The following CACNB1 variants were observed in gnomAD, a reference collection of about 807,000 sequenced individuals.
CACNB1 encodes the protein voltage-dependent L-type calcium channel subunit beta-1.
CACNB1 carries 29 observed loss-of-function variants against 71.6 expected under a neutral mutation model. The observed-to-expected ratio is 0.40, with a 90% CI of 0.30 to 0.55. The LOEUF (loss-of-function observed/expected upper bound fraction) is 0.55. Among genes scored for constraint, CACNB1 ranks in the 20% least tolerant of loss-of-function variants. The pLI is 0.38. For synonymous variants in CACNB1, 300 were observed against 319.6 expected (o/e 0.94, Z 0.65); for missense variants, 623 against 801.8 (o/e 0.78, Z 2.69).
intron 11 of CACNB1, chr17:39,178,295 G>T: frequency 2.2e-6 from 1 of 446,088 alleles, no homozygotes; most frequent in Non-Finnish European, 4.0e-6. Context: ...TGTTATGCCA[G>T]CCTTCCTTAG....
At chr17:39,193,706 C>T (rs1024536967) in intron 2 of CACNB1, 3 of 231,754 alleles carry the variant, frequency 1.3e-5, no homozygotes, top group African/African-American at 7.2e-5. Flanking sequence ...GTCTGACTCC[C>T]TGGGTTGGCA....
intron 8 of CACNB1, 117 bp from the exon 9 acceptor site, chr17:39,184,500 T>G: frequency 1.5e-6 from 1 of 689,164 alleles, no homozygotes; most frequent in Non-Finnish European, 2.6e-6. Context: ...GGACAGGCCT[T>G]TACGGCGGGC....
chr17:39,177,055 C>G, intron 13 of CACNB1: 2 of 1,306,568 alleles, frequency 1.5e-6, no homozygotes, highest in Non-Finnish European at 2.0e-6. Context: ...CAGCGGGCAG[C>G]AGATGCGCTC....
Position 39,175,248 on chromosome 17 carries a change from A to G in CACNB1, c.1742T>C (p.Leu581Ser). 2 of 1,613,966 alleles carry G rather than the reference A, an allele frequency of 1.2e-6. No homozygotes were observed. The highest frequency in any genetic ancestry group is 1.7e-6 in the Non-Finnish European group (2 of 1,179,960). The change falls in exon 14 of 14, where the codon TTG becomes TCG. Residue 581 changes from leucine (L) to serine (S), a missense_variant. Leu to Ser is a moderately radical substitution (Grantham distance 145, BLOSUM62 -2). Coordinates refer to ENST00000394303, the MANE Select transcript of CACNB1 (RefSeq NM_000723.5). The surrounding 1 kb of genome is among the most constrained non-coding windows in gnomAD (Gnocchi z 4.7). ...RYCAEGGGPV[L>S]GRNKNELEGW... is the part of the protein sequence containing the mutation. ...CTCCAGCTCATTCTTGTTGCGCCCC[A>G]AAACTGGACCCCCACCCTCAGCGCA... is the stretch of plus-strand genomic sequence containing the variant.
At position 39,175,642 on chromosome 17, in the gene CACNB1, A is replaced by C; in HGVS notation, c.1348T>G (p.Ser450Ala). 1 of 1,567,940 alleles carries C rather than the reference A, an allele frequency of 6.4e-7. No homozygotes were observed. Among genetic ancestry groups the C allele is most frequent in the African/African-American group, 1.4e-5 (1 of 74,052 alleles). ...VSNLQGPYLA[S>A]GDQPLERATG... is the part of the protein sequence containing the mutation. ...GCCCGTTCCAGTGGCTGGTCCCCGG[A>C]AGCAAGGTAGGGTCCCTGGTTAGCA... Residue 450 changes from serine (S) to alanine (A), a missense_variant, in exon 14 of 14, where the codon TCC becomes GCC. By Grantham distance (99) the Ser-to-Ala change is moderately conservative. Transcript: ENST00000394303. This position sits in a 1 kb window ranked among gnomAD's most constrained non-coding sequence, Gnocchi z 4.7.
In CACNB1 at chr17:39,175,087, G is replaced by C. The variant is rs751615045; in HGVS notation, c.*106C>G. 1.1e-4 allele frequency: 103 copies of C among 925,318 alleles called. No individual in the cohort carries two copies. Among genetic ancestry groups the C allele is most frequent in the Non-Finnish European group, 1.7e-4 (99 of 599,950 alleles). 57.3% of individuals were successfully genotyped at this position (925,318 alleles called of 1,614,324 possible). On this transcript the variant is annotated 3_prime_UTR_variant, in exon 14 of 14. Coordinates refer to ENST00000394303, the MANE Select transcript of CACNB1 (RefSeq NM_000723.5). The surrounding 1 kb of genome is among the most constrained non-coding windows in gnomAD (Gnocchi z 4.7). Reference sequence around the variant, plus strand: ...CTTTGAGCAAAGGCATCTGAAAGGAGGGAGACAGCGCCCCCTGGAGGCGAA... The same window carrying C: ...CTTTGAGCAAAGGCATCTGAAAGGACGGAGACAGCGCCCCCTGGAGGCGAA...
chr17:39,190,154 G>A (rs2144158806), intron 3 of CACNB1, among the ~76,000 whole-genome samples: 1 of 151,830 alleles, frequency 6.6e-6, no homozygotes, highest in African/African-American at 2.4e-5. Context: ...GGGCACAGTG[G>A]CCCATGCCTG....
rs2045941744 is a variant in CACNB1 at position 39,186,419 on chromosome 17, AAGG to A, written c.628+74_628+76del. The A allele has an allele frequency of 1.9e-6, 2 of 1,052,812 alleles. No individual in the cohort carries two copies. Among genetic ancestry groups the A allele is most frequent in the East Asian group, 2.5e-5 (1 of 39,934 alleles). 65.2% of individuals were successfully genotyped at this position (1,052,812 alleles called of 1,614,324 possible). Reference sequence around the variant, plus strand: ...ATTGGGGTGTTTCCTACTGCAGGGAAAGGAGGATTCAGGGAGTGGGGAGACCAC... The same window carrying A: ...ATTGGGGTGTTTCCTACTGCAGGGAAAGGATTCAGGGAGTGGGGAGACCAC... On this transcript the variant is annotated intron_variant, in intron 6 of 13. Coordinates refer to ENST00000394303, the MANE Select transcript of CACNB1 (RefSeq NM_000723.5). The surrounding 1 kb of genome is among the most constrained non-coding windows in gnomAD (Gnocchi z 4.1).
intron 11 of CACNB1, among the ~76,000 whole-genome samples, chr17:39,180,276 AC>A: frequency 6.6e-6 from 1 of 151,380 alleles, no homozygotes; most frequent in Non-Finnish European, 1.5e-5. Flanking sequence ...AAAAAAAAAA[AC>A]CAAATATGGA....
chr17:39,188,875 C>G (rs1422214444), intron 3 of CACNB1, among the ~76,000 whole-genome samples: 1 of 151,894 alleles, frequency 6.6e-6, no homozygotes, highest in Non-Finnish European at 1.5e-5. Context: ...GAAACTCTGT[C>G]TCTACTAAAA....
chr17:39,188,572 A>C (rs374469838), intron 3 of CACNB1, among the ~76,000 whole-genome samples: 16,390 of 147,860 alleles, frequency 0.11, 889 homozygotes, highest in South Asian at 0.13. Flanking sequence ...AGACTCCGTC[A>C]AAAAAAAAAA....
At chr17:39,185,874 C>T in intron 6 of CACNB1, 6 of 1,492,394 alleles carry the variant, frequency 4.0e-6, no homozygotes, top group Non-Finnish European at 5.5e-6. Flanking sequence ...CATCTGAATC[C>T]ATTACAGCCC....
Position 39,184,299 on chromosome 17 carries a change from G to C in CACNB1, c.788+26C>G, listed in dbSNP as rs765061590. 25 of 1,492,824 alleles carry C rather than the reference G, an allele frequency of 1.7e-5. No homozygotes were observed. In the East Asian group the frequency reaches 5.9e-4, roughly 35 times the overall value. 92.5% of individuals were successfully genotyped at this position (1,492,824 alleles called of 1,614,324 possible). A position where few individuals can be genotyped will look rare whatever the true frequency, so the allele number is the denominator to read the frequency against. On this transcript the variant is annotated intron_variant, in intron 9 of 13. Transcript: ENST00000394303. Reference sequence around the variant, plus strand: ...CCAGCAGCAGAGAGCAACGGCAGGTGCGAGGAGCAGCTCCCAGGATCTTAC... The same window carrying C: ...CCAGCAGCAGAGAGCAACGGCAGGTCCGAGGAGCAGCTCCCAGGATCTTAC...
Position 39,186,067 on chromosome 17 carries a change from G to A in CACNB1, c.628+429C>T, listed in dbSNP as rs760816451. 10 of 1,613,924 alleles carry A rather than the reference G, an allele frequency of 6.2e-6. No homozygotes were observed. In the South Asian group the frequency reaches 6.6e-5, roughly 11 times the overall value. On this transcript the variant is annotated intron_variant, in intron 6 of 13. Coordinates refer to ENST00000394303, the MANE Select transcript of CACNB1 (RefSeq NM_000723.5). This position sits in a 1 kb window ranked among gnomAD's most constrained non-coding sequence, Gnocchi z 4.1. ...CAGCCTCTTCCTCCTCTAACTCTAGGGGGTCTAGTTCAAAGGCTAAGTTAG... is the reference window on the plus strand; with the variant it reads ...CAGCCTCTTCCTCCTCTAACTCTAGAGGGTCTAGTTCAAAGGCTAAGTTAG...
chr17:39,195,197 G>GC (rs1323768863), intron 1 of CACNB1: 1 of 447,968 alleles, frequency 2.2e-6, no homozygotes, highest in Non-Finnish European at 4.0e-6. Flanking sequence ...GTGCAAGAGA[G>GC]CCCCAGAAGA....
rs117992170 is a variant in CACNB1 at position 39,174,587 on chromosome 17, A to G, written c.*606T>C. On this transcript the variant is annotated 3_prime_UTR_variant, in exon 14 of 14. Coordinates refer to ENST00000394303, the MANE Select transcript of CACNB1 (RefSeq NM_000723.5). ...GGACGTTGCCATGGCCACGGAGGGT[A>G]GAGGGTGCTGTATGCCTGCCAGCTT... is the stretch of plus-strand genomic sequence containing the variant. The G allele has an allele frequency of 2.7e-3, 413 of 152,716 alleles. 6 individuals carry two copies. In the East Asian group the frequency reaches 0.066, roughly 24 times the overall value. The allele number at this position is 152,716 out of a possible 1,614,324, so 9.5% of individuals were successfully genotyped here.
chr17:39,181,659 A>G (rs1447370986), intron 11 of CACNB1, among the ~76,000 whole-genome samples: 4 of 151,926 alleles, frequency 2.6e-5, no homozygotes, highest in Admixed American at 1.3e-4. Context: ...GGTCCTTTCA[A>G]CTCCCCTCAG....
intron 4 of CACNB1, chr17:39,187,153 A>T: frequency 1.6e-6 from 1 of 607,150 alleles, no homozygotes; most frequent in Non-Finnish European, 2.9e-6. Flanking sequence ...CCACCGGCCC[A>T]ATGCAATTCT....
intron 3 of CACNB1, 85 bp from the exon 4 acceptor site, chr17:39,187,686 TTGGA>T (rs1284960684): frequency 6.9e-7 from 1 of 1,458,240 alleles, no homozygotes; most frequent in African/African-American, 1.4e-5. Context: ...TGGTGGTTAC[TTGGA>T]TGTTTACTTT....
Sources: gnomAD v4.1 joint callset for allele counts (sites outside exome capture counted in the v4.1 genomes callset) on GRCh38, gnomAD v4.1.1 for gene constraint, Gnocchi (gnomAD v3.1) non-coding constraint, MANE v1.5 for transcripts, NCBI Gene and HGNC (gene_info 2026-07-23, HGNC 2026-07-21) for gene names.